CDH9: variants seen among roughly 807,000 people sequenced by gnomAD.
CDH9 encodes cadherin 9, also known as cadherin-9.
Under a neutral mutation model 70.9 loss-of-function variants are expected in CDH9, and 28 were observed. That is an observed-to-expected ratio of 0.40 (90% CI 0.29 to 0.54). CDH9 has a LOEUF of 0.54. CDH9 is among the 20% of genes least tolerant of loss of function. The pLI is 0.59. For synonymous variants in CDH9, 409 were observed against 343.1 expected, an observed-to-expected ratio of 1.19 and a Z score of -2.12; for missense variants, 874 against 984.4, an observed-to-expected ratio of 0.89 and a Z score of 1.50.
chr5:26,945,721 G>T (rs564993935), intron 2 of CDH9, among the ~76,000 whole-genome samples: 1 of 152,150 alleles, frequency 6.6e-6, no homozygotes, highest in African/African-American at 2.4e-5. Context: ...TACTCTGCTG[G>T]GGAAGAGTTT....
At chr5:26,933,832 G>T (rs766093496) in intron 2 of CDH9, among the ~76,000 whole-genome samples, 23 of 151,786 alleles carry the variant, frequency 1.5e-4, no homozygotes, top group Non-Finnish European at 2.4e-4. Context: ...GAAAAAAAGA[G>T]AGAAGACACA....
At chr5:26,942,931 A>G (rs1741688076) in intron 2 of CDH9, among the ~76,000 whole-genome samples, 2 of 152,170 alleles carry the variant, frequency 1.3e-5, no homozygotes, top group Admixed American at 1.3e-4. Flanking sequence ...TGTGTCCCTT[A>G]TATCTAGAAG....
chr5:26,969,223 A>T (rs1051874641), intron 2 of CDH9, among the ~76,000 whole-genome samples: 1 of 152,202 alleles, frequency 6.6e-6, no homozygotes, highest in Non-Finnish European at 1.5e-5. Flanking sequence ...ATTTTCACAT[A>T]TATCTAAGAA....
In CDH9 at chr5:26,906,101, G is replaced by A. The variant is rs780011027; in HGVS notation, c.669C>T (p.Asp223=). Residue 223 remains aspartate, a synonymous_variant, in exon 5 of 12, where the codon GAC becomes GAT. Transcript: ENST00000231021. The stretch of plus-strand genomic sequence containing the variant: ...ACTGCTCTCTATTTTCTCTGCTCAT[G>A]TCTGGTAATGCAGTTTTTATTATGC... ...ESGIIKTALP[D]MSRENREQYQ... 20 of 1,612,966 alleles carry A rather than the reference G, an allele frequency of 1.2e-5. No homozygotes were observed.
chr5:26,928,380 A>G (rs945960009), intron 2 of CDH9, among the ~76,000 whole-genome samples: 4 of 152,082 alleles, frequency 2.6e-5, no homozygotes, highest in Non-Finnish European at 5.9e-5. Flanking sequence ...TTATGTTCAT[A>G]GTTTGGAAGG....
chr5:26,951,223 G>T (rs1358443053), intron 2 of CDH9, among the ~76,000 whole-genome samples: 4 of 144,624 alleles, frequency 2.8e-5, no homozygotes, highest in African/African-American at 7.5e-5. Context: ...AACCCGGGAG[G>T]TGGAGGTTGC....
chr5:26,933,136 T>C (rs1289582754), intron 2 of CDH9, among the ~76,000 whole-genome samples: 1 of 147,468 alleles, frequency 6.8e-6, no homozygotes, highest in East Asian at 1.9e-4. Flanking sequence ...AATATAGTTA[T>C]ATTTAACTTG....
chr5:26,885,638 G>C lies in CDH9; in HGVS notation c.1858C>G (p.Leu620Val). ...CTAAGCAGTATGAGGACACAGAGTA[G>C]AATCGCAACGAGAGCTCCCGTGCTC... ...GLSTGALVAI[L>V]LCVLILLILV... Residue 620 changes from leucine to valine, a missense_variant, in exon 11 of 12, where the codon CTA (leucine) becomes GTA (valine). By Grantham distance (32) the Leu-to-Val change is conservative. Coordinates refer to ENST00000231021, the MANE Select transcript of CDH9 (RefSeq NM_016279.4). The C allele has an allele frequency of 1.9e-6, 3 of 1,613,350 alleles. No individual in the cohort carries two copies. The highest frequency in any genetic ancestry group is 2.5e-6 in the Non-Finnish European group (3 of 1,179,750).
chr5:27,017,221 A>G (rs934192802), intron 1 of CDH9, among the ~76,000 whole-genome samples: 1 of 152,002 alleles, frequency 6.6e-6, no homozygotes, highest in African/African-American at 2.4e-5. Flanking sequence ...AAGGAACAAA[A>G]TAGTAGAGGA....
At chr5:26,905,811 GT>G (rs5866810) in intron 5 of CDH9, 147 bp downstream of exon 5, 446,308 of 540,826 alleles carry the variant, frequency 0.83, 182,706 homozygotes, top group African/African-American at 0.88. Context: ...GGGAAATTGT[GT>G]TTTTTTTTTG....
At chr5:27,028,464 G>A (rs1025457077) in intron 1 of CDH9, 16 of 151,862 alleles carry the variant, frequency 1.1e-4, no homozygotes, top group African/African-American at 3.9e-4. Context: ...GCTTGATATA[G>A]TCTTTAATAA....
rs377231432 is a variant in CDH9, at chr5:26,908,259, A to C, written c.524-1421T>G. 2.6e-5 allele frequency among the ~76,000 whole-genome samples: 4 copies of C among 152,258 alleles called. No homozygotes were observed. In the East Asian group the frequency reaches 7.7e-4, roughly 29 times the overall value. On this transcript the variant is annotated intron_variant, in intron 3 of 11. Coordinates refer to ENST00000231021, the MANE Select transcript of CDH9 (RefSeq NM_016279.4). ...TAAAAAATTATCCACCCATGTGTTC[A>C]TTAGATGAAAGCAAAAATGATAAAG...
intron 3 of CDH9, among the ~76,000 whole-genome samples, chr5:26,912,034 A>T (rs1229729722): frequency 1.3e-5 from 2 of 152,142 alleles, no homozygotes; most frequent in African/African-American, 4.8e-5. Context: ...AACAGAAAAT[A>T]ACATTGTAAA....
intron 3 of CDH9, among the ~76,000 whole-genome samples, chr5:26,913,778 T>C (rs1455765223): frequency 6.6e-6 from 1 of 151,714 alleles, no homozygotes; most frequent in Non-Finnish European, 1.5e-5. Context: ...TGTGTGTGTG[T>C]GTGTGTGTGT....
chr5:26,943,449 G>C (rs1432461877), intron 2 of CDH9, among the ~76,000 whole-genome samples: 1 of 150,998 alleles, frequency 6.6e-6, no homozygotes, highest in Non-Finnish European at 1.5e-5. Flanking sequence ...GGAGGCGGGG[G>C]TTTTGGTGAG....
At chr5:27,014,630 A>G (rs983988861) in intron 1 of CDH9, among the ~76,000 whole-genome samples, 2 of 152,046 alleles carry the variant, frequency 1.3e-5, no homozygotes, top group Non-Finnish European at 1.5e-5. Context: ...TATGTACATC[A>G]TACTTATATA....
intron 2 of CDH9, among the ~76,000 whole-genome samples, chr5:26,920,152 C>G (rs374145512): frequency 1.3e-5 from 2 of 151,922 alleles, no homozygotes; most frequent in African/African-American, 4.8e-5. Context: ...AGCCCACTTC[C>G]CTGAAGGGAG....
rs1049983109 is a variant in CDH9, at chr5:26,885,728, C to A, written c.1768G>T (p.Ala590Ser). 1.2e-6 allele frequency: 2 copies of A among 1,613,640 alleles called. No individual in the cohort carries two copies. Among genetic ancestry groups the A allele is most frequent in the Non-Finnish European group, 1.7e-6 (2 of 1,179,796 alleles). ...TGCATGTTTCCTTGATTATCGCAGGCACACACACGGATAGTGAGTGTACCA... is the reference window on the plus strand; with the variant it reads ...TGCATGTTTCCTTGATTATCGCAGGAACACACACGGATAGTGAGTGTACCA... Reference protein sequence around the residue: ...STGTLTIRVCACDNQGNMQSC... With the variant: ...STGTLTIRVCSCDNQGNMQSC... Residue 590 changes from alanine to serine, a missense_variant, in exon 11 of 12, where the codon GCC becomes TCC. Physicochemically the swap from Ala to Ser is moderately conservative, Grantham distance 99. Coordinates refer to ENST00000231021, the MANE Select transcript of CDH9 (RefSeq NM_016279.4).
At chr5:26,915,422 G>A (rs1398895698) in intron 3 of CDH9, among the ~76,000 whole-genome samples, 2 of 151,802 alleles carry the variant, frequency 1.3e-5, no homozygotes, top group Non-Finnish European at 2.9e-5. Context: ...AACTGCTATT[G>A]ATAATCATAT....
Sources: gnomAD v4.1 joint callset for allele counts (sites outside exome capture counted in the v4.1 genomes callset) on GRCh38, gnomAD v4.1.1 for gene constraint, MANE v1.5 for transcripts, NCBI Gene and HGNC (gene_info 2026-07-23, HGNC 2026-07-21) for gene names.